Variants in LIMA1 observed in about 807,000 individuals in gnomAD.
LIMA1 encodes the protein LIM domain and actin binding 1, also known as LIM domain and actin-binding protein 1.
A neutral mutation model predicts 62.6 loss-of-function variants in LIMA1; 52 were observed. The observed-to-expected ratio is 0.83, with a 90% confidence interval of 0.67 to 1.05. LIMA1 has a LOEUF of 1.05. Among genes scored for constraint, LIMA1 ranks in the 50% least tolerant of loss-of-function variants. The pLI, the probability that LIMA1 is intolerant of heterozygous loss-of-function variation, is 0.00. For missense variants in LIMA1, 780 were observed against 902.2 expected (o/e 0.86, Z 1.74); for synonymous variants, 302 against 317.8 (o/e 0.95, Z 0.53).
intron 7 of LIMA1, among the ~76,000 whole-genome samples, chr12:50,196,234 G>A (rs1397936547): frequency 6.6e-6 from 1 of 152,068 alleles, no homozygotes; most frequent in African/African-American, 2.4e-5. Flanking sequence ...GGAGAGCAAA[G>A]CTCCTCACCG....
At chr12:50,190,673 C>A (rs1001277455) in intron 9 of LIMA1, among the ~76,000 whole-genome samples, 1 of 142,668 alleles carries the variant, frequency 7.0e-6, no homozygotes, top group Non-Finnish European at 1.5e-5. Context: ...AGCCACCACA[C>A]CCGGCCTCAT....
chr12:50,263,861 A>ATATATATATATAAAG (rs1942105947), intron 1 of LIMA1, among the ~76,000 whole-genome samples: 1 of 125,786 alleles, frequency 8.0e-6, no homozygotes, highest in African/African-American at 3.2e-5. Context: ...TAGAGAGTAT[A>ATATATATATATAAAG]TATATATATA....
intron 4 of LIMA1, among the ~76,000 whole-genome samples, chr12:50,208,838 T>C (rs926963241): frequency 2.0e-5 from 3 of 151,056 alleles, no homozygotes; most frequent in Non-Finnish European, 4.4e-5. Context: ...GAAGACTCCA[T>C]CTCTACAAAA....
At position 50,177,456 on chromosome 12, in the gene LIMA1, C is replaced by T. The variant is rs1341398896; in HGVS notation, c.1888G>A (p.Val630Ile). 3.1e-6 allele frequency: 5 copies of T among 1,614,004 alleles called. No individual in the cohort carries two copies. Among genetic ancestry groups the T allele is most frequent in the Non-Finnish European group, 4.2e-6 (5 of 1,180,052 alleles). The change falls in exon 11 of 11, where the codon GTT (valine) becomes ATT (isoleucine). Residue 630 changes from valine (V) to isoleucine (I), a missense_variant. Transcript: ENST00000341247. ...TTTTCCACTTGTTTCCTTTCTGCAA[C>T]TCTTCCACCCACAGACTCTTCACTC... is the stretch of plus-strand genomic sequence containing the variant. ...EQSEESVGGR[V>I]AERKQVENAK...
Position 50,192,673 on chromosome 12 carries a change from C to T in LIMA1, c.1031-112G>A, listed in dbSNP as rs567334604. ...TTTCATTAATGACAGATCCTTCCAACACCAGGAAAAACACTGCTTTTCTGT... is the reference window on the plus strand; with the variant it reads ...TTTCATTAATGACAGATCCTTCCAATACCAGGAAAAACACTGCTTTTCTGT... On this transcript the variant is annotated intron_variant, in intron 8 of 10. Coordinates refer to ENST00000341247, the MANE Select transcript of LIMA1 (RefSeq NM_016357.5). The T allele has an allele frequency of 1.8e-5, 13 of 712,628 alleles. No individual in the cohort carries two copies. The African/African-American group carries it at 1.9e-4, about 11-fold the overall frequency. 44.1% of individuals were successfully genotyped at this position (712,628 alleles called of 1,614,324 possible).
intron 2 of LIMA1, chr12:50,234,211 CTT>C (rs530660438): frequency 0.019 from 6,878 of 365,046 alleles, no homozygotes; most frequent in South Asian, 0.026. Flanking sequence ...CCAGAACAAC[CTT>C]TTTTTTTTTT....
At chr12:50,212,340 G>A (rs994275080) in intron 4 of LIMA1, among the ~76,000 whole-genome samples, 8 of 152,102 alleles carry the variant, frequency 5.3e-5, no homozygotes, top group African/African-American at 1.9e-4. Context: ...CCAAAGTCAA[G>A]GGCAGAGGAA....
rs1247858835 is a variant in LIMA1, at chr12:50,230,662, C to T, written c.165+1003G>A. Among the ~76,000 whole-genome samples, 11 of 151,798 alleles carry T rather than the reference C, an allele frequency of 7.2e-5. No individual in the cohort carries two copies. In the South Asian group the frequency reaches 2.1e-3, roughly 29 times the overall value. ...CGTGATCTCGGCTCACTGCAAGCTC[C>T]GCCTCCCAGGTTCACGCCATTCTCC... On this transcript the variant is annotated intron_variant, in intron 3 of 10. Coordinates refer to ENST00000341247, the MANE Select transcript of LIMA1 (RefSeq NM_016357.5).
At chr12:50,192,621 T>C in intron 8 of LIMA1, 60 bp from the exon 9 acceptor site, 1 of 1,360,048 alleles carries the variant, frequency 7.4e-7, no homozygotes, top group Non-Finnish European at 1.1e-6. Context: ...TTGGAAAGTG[T>C]TCTTCCGAAA....
chr12:50,244,307 G>A lies in LIMA1; in HGVS notation c.119+4326C>T, dbSNP rs569725446. 7.2e-5 allele frequency among the ~76,000 whole-genome samples: 11 copies of A among 152,172 alleles called. No homozygotes were observed. In the South Asian group the frequency reaches 1.4e-3, roughly 20 times the overall value. On this transcript the variant is annotated intron_variant, in intron 2 of 10. Transcript: ENST00000341247. The stretch of plus-strand genomic sequence containing the variant: ...TTTAGTAGAGATAGGGTTTCACCAC[G>A]TTGGCCAGGCTGGTCTTGAACTCCT...
At chr12:50,280,299 C>G (rs535911752) in intron 1 of LIMA1, among the ~76,000 whole-genome samples, 1 of 151,758 alleles carries the variant, frequency 6.6e-6, no homozygotes, top group South Asian at 2.1e-4. Flanking sequence ...GGACTACAGG[C>G]GCCTGCCACC....
intron 1 of LIMA1, among the ~76,000 whole-genome samples, chr12:50,254,788 G>A (rs1387157562): frequency 2.0e-5 from 3 of 152,104 alleles, no homozygotes; most frequent in South Asian, 2.1e-4. Context: ...AGCCGGGCGC[G>A]GTGGCTTATG....
chr12:50,196,094 A>G (rs1940925315), intron 7 of LIMA1: 1 of 490,174 alleles, frequency 2.0e-6, no homozygotes, highest in Non-Finnish European at 3.6e-6. Context: ...ATGCCTCTCA[A>G]TTACAGAGTA....
chr12:50,269,644 G>A (rs987998196), intron 1 of LIMA1, among the ~76,000 whole-genome samples: 1 of 152,148 alleles, frequency 6.6e-6, no homozygotes. Context: ...TTAGGAGCGG[G>A]CGCAGTGGCT....
At chr12:50,241,931 AGAT>A (rs1195847485) in intron 2 of LIMA1, among the ~76,000 whole-genome samples, 24 of 68,676 alleles carry the variant, frequency 3.5e-4, no homozygotes, top group African/African-American at 1.2e-3. Flanking sequence ...TTTCCTTCCC[AGAT>A]TTTTTTTTTT....
At chr12:50,272,497 C>A (rs1054310936) in intron 1 of LIMA1, among the ~76,000 whole-genome samples, 3 of 150,112 alleles carry the variant, frequency 2.0e-5, no homozygotes, top group African/African-American at 7.4e-5. Flanking sequence ...GAGGCTGAGG[C>A]AGGAGAATTG....
intron 4 of LIMA1, among the ~76,000 whole-genome samples, chr12:50,214,345 T>C (rs573549178): frequency 6.6e-6 from 1 of 152,348 alleles, no homozygotes; most frequent in Admixed American, 6.5e-5. Flanking sequence ...GCACTAGCAA[T>C]GTATCTATTG....
chr12:50,250,563 CAAAAAAAAAAAAA>C (rs754126420), intron 1 of LIMA1, among the ~76,000 whole-genome samples: 17 of 33,896 alleles, frequency 5.0e-4, no homozygotes, highest in Non-Finnish European at 1.1e-3. Context: ...AAGATGTTCT[CAAAAAAAAAAAAA>C]AAAAAAAAAA....
chr12:50,213,177 C>A lies in LIMA1; in HGVS notation c.631-7109G>T, dbSNP rs572118449. ...CCAGTGCTTTCATTCATATCTCTTGCATTCCAATGTATTCCTTCTGTTCAC... is the reference window on the plus strand; with the variant it reads ...CCAGTGCTTTCATTCATATCTCTTGAATTCCAATGTATTCCTTCTGTTCAC... On this transcript the variant is annotated intron_variant, in intron 4 of 10. Transcript: ENST00000341247. 3.9e-5 allele frequency among the ~76,000 whole-genome samples: 6 copies of A among 152,322 alleles called. No individual in the cohort carries two copies. The South Asian group carries it at 1.2e-3, about 32-fold the overall frequency.
Sources: allele counts gnomAD v4.1 joint callset (sites outside exome capture counted in the v4.1 genomes callset), GRCh38; gene constraint gnomAD v4.1.1; transcripts MANE v1.5; gene names NCBI Gene and HGNC (gene_info 2026-07-23, HGNC 2026-07-21).